The following AFG2A variants were observed in gnomAD, a reference collection of about 807,000 sequenced individuals.
AFG2A encodes AAA ATPase AFG2A.
chr4:123,242,072 G>T, the AFG2A span, among the ~76,000 whole-genome samples: 1 of 152,114 alleles, frequency 6.6e-6, no homozygotes, highest in Non-Finnish European at 1.5e-5. Context: ...ACTTACAAGG[G>T]ATGGGAAGGA....
At chr4:122,987,525 T>C in the AFG2A span, among the ~76,000 whole-genome samples, 1 of 151,950 alleles carries the variant, frequency 6.6e-6, no homozygotes, top group Non-Finnish European at 1.5e-5. Context: ...CTTTGTGATG[T>C]GATTTTTTTT....
the AFG2A span, among the ~76,000 whole-genome samples, chr4:123,176,572 A>G: frequency 1.3e-5 from 2 of 152,240 alleles, no homozygotes; most frequent in African/African-American, 2.4e-5. Context: ...ACAAGACCCT[A>G]TACCAAATAC....
chr4:123,096,707 A>C, the AFG2A span, among the ~76,000 whole-genome samples: 14 of 152,082 alleles, frequency 9.2e-5, no homozygotes, highest in Non-Finnish European at 1.6e-4. Flanking sequence ...TGTAGTAGGA[A>C]ATTTGAAGGA....
chr4:123,128,016 T>A, the AFG2A span, among the ~76,000 whole-genome samples: 1 of 152,186 alleles, frequency 6.6e-6, no homozygotes, highest in African/African-American at 2.4e-5. Flanking sequence ...TTTCCTGTTT[T>A]GTGTTCACAA....
the AFG2A span, among the ~76,000 whole-genome samples, chr4:122,944,816 T>G: frequency 6.6e-6 from 1 of 152,118 alleles, no homozygotes; most frequent in African/African-American, 2.4e-5. Context: ...GGGTTTTTGG[T>G]GTGGATGTCC....
the AFG2A span, among the ~76,000 whole-genome samples, chr4:122,939,983 A>G: frequency 6.6e-6 from 1 of 152,216 alleles, no homozygotes; most frequent in Non-Finnish European, 1.5e-5. Context: ...ATGGCTGCAT[A>G]GTATTCCATG....
the AFG2A span, among the ~76,000 whole-genome samples, chr4:123,055,490 T>C: frequency 6.6e-6 from 1 of 152,204 alleles, no homozygotes; most frequent in Admixed American, 6.5e-5. Context: ...ATACTGCCCA[T>C]ACCAGTTTGG....
the AFG2A span, among the ~76,000 whole-genome samples, chr4:122,951,642 T>G: frequency 6.6e-6 from 1 of 152,188 alleles, no homozygotes; most frequent in South Asian, 2.1e-4. Flanking sequence ...ACAGGACTGC[T>G]GGGTCTGGCT....
the AFG2A span, among the ~76,000 whole-genome samples, chr4:123,311,975 A>G: frequency 6.6e-6 from 1 of 152,164 alleles, no homozygotes; most frequent in Non-Finnish European, 1.5e-5. Context: ...AGAAACGTTG[A>G]GAGGTTCCAG....
At chr4:123,314,805 G>C in the AFG2A span, 1 of 148,770 alleles carries the variant, frequency 6.7e-6, no homozygotes, top group South Asian at 2.1e-4. Flanking sequence ...ACCTAAGCTG[G>C]AGTGCAGTGG....
At chr4:123,215,026 A>C in the AFG2A span, among the ~76,000 whole-genome samples, 2 of 152,044 alleles carry the variant, frequency 1.3e-5, no homozygotes, top group African/African-American at 4.8e-5. Context: ...TTGTGCATCA[A>C]CTGTAATTCA....
the AFG2A span, among the ~76,000 whole-genome samples, chr4:122,956,252 G>A: frequency 6.6e-6 from 1 of 152,206 alleles, no homozygotes; most frequent in African/African-American, 2.4e-5. Context: ...CATCTAAGAA[G>A]AAGCTTAGAG....
At chr4:123,138,918 T>G in the AFG2A span, among the ~76,000 whole-genome samples, 1 of 152,026 alleles carries the variant, frequency 6.6e-6, no homozygotes. Flanking sequence ...ATAAAATATA[T>G]GTATATCAAA....
chr4:123,090,996 G>C, the AFG2A span, among the ~76,000 whole-genome samples: 1 of 152,198 alleles, frequency 6.6e-6, no homozygotes, highest in African/African-American at 2.4e-5. Context: ...CAGGAAAACT[G>C]CCCTGGGTGA....
chr4:123,108,201 AG>A, the AFG2A span, among the ~76,000 whole-genome samples: 2 of 152,222 alleles, frequency 1.3e-5, no homozygotes, highest in Non-Finnish European at 2.9e-5. Flanking sequence ...GTCAGAAATA[AG>A]TAGAATTTTA....
At chr4:122,964,949 A>G in the AFG2A span, among the ~76,000 whole-genome samples, 1 of 152,222 alleles carries the variant, frequency 6.6e-6, no homozygotes, top group African/African-American at 2.4e-5. Flanking sequence ...GAGGGAGAAT[A>G]AAGACTCCAA....
At chr4:123,096,462 C>T in the AFG2A span, among the ~76,000 whole-genome samples, 1 of 151,960 alleles carries the variant, frequency 6.6e-6, no homozygotes, top group Non-Finnish European at 1.5e-5. Flanking sequence ...TGTGTGGCCC[C>T]TTTAGAAGTG....
chr4:123,043,399 G>T, the AFG2A span, among the ~76,000 whole-genome samples: 1 of 151,446 alleles, frequency 6.6e-6, no homozygotes, highest in Middle Eastern at 3.4e-3. Context: ...AATCAAATTT[G>T]CCTATGTTTT....
chr4:123,128,177 A>C, the AFG2A span, among the ~76,000 whole-genome samples: 2 of 152,146 alleles, frequency 1.3e-5, no homozygotes, highest in African/African-American at 2.4e-5. Flanking sequence ...ATACCCTTAA[A>C]CCCTTTAAGA....
Sources: gnomAD v4.1 joint callset for allele counts (sites outside exome capture counted in the v4.1 genomes callset) on GRCh38, gnomAD v4.1.1 for gene constraint, MANE v1.5 for transcripts, NCBI Gene and HGNC (gene_info 2026-07-23, HGNC 2026-07-21) for gene names.